GXYLT2: variants seen among roughly 807,000 people sequenced by gnomAD.
GXYLT2 encodes glucoside xylosyltransferase 2, also known as glycosyltransferase 8 domain containing 4.
A neutral mutation model predicts 45.8 loss-of-function variants in GXYLT2; 53 were observed. The observed-to-expected ratio is 1.16, with a 90% confidence interval of 0.93 to 1.46. GXYLT2 has a LOEUF of 1.46. Ranked by LOEUF, GXYLT2 falls within the 40% of genes most tolerant of loss-of-function variation. The probability of loss-of-function intolerance (pLI) is 0.00; values close to 1 mark genes in which losing one functional copy is unlikely to be tolerated. For missense variants in GXYLT2, 551 were observed against 544.4 expected (o/e 1.01, Z -0.12); for synonymous variants, 219 against 214.2 (o/e 1.02, Z -0.19).
intron 5 of GXYLT2, among the ~76,000 whole-genome samples, chr3:72,961,281 C>G (rs1281950247): frequency 6.6e-6 from 1 of 152,000 alleles, no homozygotes; most frequent in African/African-American, 2.4e-5. Context: ...AAAGAGAATT[C>G]TATATAGGAA....
At chr3:72,963,066 C>A (rs1710797859) in intron 5 of GXYLT2, among the ~76,000 whole-genome samples, 1 of 151,994 alleles carries the variant, frequency 6.6e-6, no homozygotes, top group Admixed American at 6.6e-5. Flanking sequence ...AATCTCAACG[C>A]TTTAGGAGGC....
intron 3 of GXYLT2, among the ~76,000 whole-genome samples, chr3:72,940,344 A>C (rs918580352): frequency 6.6e-6 from 1 of 152,234 alleles, no homozygotes; most frequent in African/African-American, 2.4e-5. Flanking sequence ...AAGTCAGAAA[A>C]GAATGACAAA....
intron 5 of GXYLT2, among the ~76,000 whole-genome samples, chr3:72,962,749 A>G (rs898495645): frequency 3.8e-4 from 58 of 152,318 alleles, no homozygotes; most frequent in African/African-American, 1.2e-3. Context: ...TAGTTGTTCA[A>G]AATCACAAAT....
At chr3:72,974,786 G>A (rs994871724) in intron 6 of GXYLT2, among the ~76,000 whole-genome samples, 191 bp from the exon 7 acceptor site, 5 of 152,052 alleles carry the variant, frequency 3.3e-5, no homozygotes, top group Non-Finnish European at 7.4e-5. Flanking sequence ...GAGGTTCGGA[G>A]AGTTTAAATG....
Position 72,976,850 on chromosome 3 carries a change from C to G in GXYLT2, c.*1691C>G, listed in dbSNP as rs1237230196. Reference sequence around the variant, plus strand: ...ATTGCTATTCTGTAAGACATACAGTCTGTGTAAGATGTATCTTATTTACAG... The same window carrying G: ...ATTGCTATTCTGTAAGACATACAGTGTGTGTAAGATGTATCTTATTTACAG... On this transcript the variant is annotated 3_prime_UTR_variant, in exon 7 of 7. Transcript: ENST00000389617. The G allele has an allele frequency of 6.6e-6, 1 of 152,006 alleles. No individual in the cohort carries two copies. The highest frequency in any genetic ancestry group is 2.4e-5 in the African/African-American group (1 of 41,366). The allele number at this position is 152,006 out of a possible 1,614,324, so 9.4% of individuals were successfully genotyped here. A position where few individuals can be genotyped will look rare whatever the true frequency, so the allele number is the denominator to read the frequency against.
At chr3:72,958,531 G>A (rs771930188) in intron 5 of GXYLT2, among the ~76,000 whole-genome samples, 3 of 149,698 alleles carry the variant, frequency 2.0e-5, no homozygotes, top group Admixed American at 2.0e-4. Flanking sequence ...TCAAATCCTC[G>A]AAAAGAAAAA....
At chr3:72,936,088 A>C (rs962358442) in intron 3 of GXYLT2, among the ~76,000 whole-genome samples, 15 of 151,740 alleles carry the variant, frequency 9.9e-5, no homozygotes, top group Admixed American at 1.3e-4. Flanking sequence ...TCAGGAGATC[A>C]AGACCATCCT....
chr3:72,891,888 G>A (rs1315716735), intron 1 of GXYLT2, among the ~76,000 whole-genome samples: 1 of 152,094 alleles, frequency 6.6e-6, no homozygotes, highest in Admixed American at 6.6e-5. Context: ...AAGAGGAAAG[G>A]TTTATCAAGA....
intron 3 of GXYLT2, among the ~76,000 whole-genome samples, chr3:72,942,272 A>G (rs901962933): frequency 1.3e-5 from 2 of 152,140 alleles, no homozygotes; most frequent in East Asian, 1.9e-4. Context: ...AATTAAAAAA[A>G]TAAATACATA....
chr3:72,900,781 CAT>C (rs1257588366), intron 1 of GXYLT2, among the ~76,000 whole-genome samples: 2 of 152,024 alleles, frequency 1.3e-5, no homozygotes, highest in East Asian at 3.9e-4. Flanking sequence ...GACATCTATC[CAT>C]GTTATAAATG....
chr3:72,888,493 T>G lies in GXYLT2; in HGVS notation c.260T>G (p.Leu87Arg), dbSNP rs779750574. 4 of 1,242,688 alleles carry G rather than the reference T, an allele frequency of 3.2e-6. No individual in the cohort carries two copies. Among genetic ancestry groups the G allele is most frequent in the Non-Finnish European group, 4.0e-6 (4 of 990,318 alleles). The allele number at this position is 1,242,688 out of a possible 1,614,324, so 77.0% of individuals were successfully genotyped here. A position where few individuals can be genotyped will look rare whatever the true frequency, so the allele number is the denominator to read the frequency against. ...PRAGRRGAAR[L>R]EKLARRPGEP... is the part of the protein sequence containing the mutation. ...GCGGGCCGCCGGGGCGCTGCGAGAC[T>G]GGAGAAGTTGGCGAGGTGAGTCGTG... The change falls in exon 1 of 7, where the codon CTG becomes CGG. Residue 87 changes from leucine to arginine, a missense_variant. Coordinates refer to ENST00000389617, the MANE Select transcript of GXYLT2 (RefSeq NM_001080393.2).
At chr3:72,973,260 A>C (rs1197973354) in intron 6 of GXYLT2, among the ~76,000 whole-genome samples, 6 of 152,152 alleles carry the variant, frequency 3.9e-5, no homozygotes, top group Non-Finnish European at 8.8e-5. Context: ...TATCAGATGG[A>C]GGCAGCCCAG....
chr3:72,899,171 C>A (rs1709353053), intron 1 of GXYLT2, among the ~76,000 whole-genome samples: 2 of 152,080 alleles, frequency 1.3e-5, no homozygotes, highest in South Asian at 4.1e-4. Context: ...TGTATGTGCA[C>A]GATGATGTCT....
intron 2 of GXYLT2, among the ~76,000 whole-genome samples, chr3:72,916,394 C>T (rs184652639): frequency 6.6e-6 from 1 of 151,730 alleles, no homozygotes; most frequent in Admixed American, 6.6e-5. Flanking sequence ...TGCTATATTG[C>T]CCAGGCTGGT....
intron 3 of GXYLT2, among the ~76,000 whole-genome samples, chr3:72,923,203 C>G (rs1206580614): frequency 6.6e-6 from 1 of 151,748 alleles, no homozygotes; most frequent in Non-Finnish European, 1.5e-5. Context: ...TGCAGTGAGC[C>G]AAGATCACGC....
chr3:72,952,342 T>C (rs1710544211), intron 3 of GXYLT2, among the ~76,000 whole-genome samples: 1 of 152,092 alleles, frequency 6.6e-6, no homozygotes, highest in Admixed American at 6.6e-5. Context: ...TGGTAGATGA[T>C]CAGTATTTTT....
At position 72,932,579 on chromosome 3, in the gene GXYLT2, A is replaced by G. The variant is rs558515345; in HGVS notation, c.600+10244A>G. Among the ~76,000 whole-genome samples, 83 of 152,326 alleles carry G rather than the reference A, an allele frequency of 5.4e-4. 1 individual carries two copies. Among genetic ancestry groups the G allele is most frequent in the African/African-American group, 2.0e-3 (82 of 41,574 alleles). On this transcript the variant is annotated intron_variant, in intron 3 of 6. Transcript: ENST00000389617. Reference sequence around the variant, plus strand: ...CCTCCATGGGCCACAGGGGCCAACAACATTTAAGCCACATGGATTGGGTTT... The same window carrying G: ...CCTCCATGGGCCACAGGGGCCAACAGCATTTAAGCCACATGGATTGGGTTT...
intron 5 of GXYLT2, among the ~76,000 whole-genome samples, chr3:72,963,062 A>T (rs1002406034): frequency 1.3e-5 from 2 of 152,112 alleles, no homozygotes; most frequent in East Asian, 3.9e-4. Context: ...CTGTAATCTC[A>T]ACGCTTTAGG....
At chr3:72,890,044 C>T (rs923362759) in intron 1 of GXYLT2, among the ~76,000 whole-genome samples, 4 of 151,998 alleles carry the variant, frequency 2.6e-5, no homozygotes, top group Admixed American at 6.5e-5. Context: ...CCTCAGCCTG[C>T]CAGGTAGCTG....
Sources: allele counts gnomAD v4.1 joint callset (sites outside exome capture counted in the v4.1 genomes callset), GRCh38; gene constraint gnomAD v4.1.1; transcripts MANE v1.5; gene names NCBI Gene and HGNC (gene_info 2026-07-23, HGNC 2026-07-21).